Variants in ADGRG4 observed in about 807,000 individuals in gnomAD.
ADGRG4 encodes adhesion G protein-coupled receptor G4, also known as G protein-coupled receptor 112.
ADGRG4 carries 122 observed loss-of-function variants against 126.2 expected under a neutral mutation model. The observed-to-expected ratio is 0.97, with a 90% CI of 0.83 to 1.12. The LOEUF is 1.12. Among genes scored for constraint, ADGRG4 ranks in the 50% most tolerant of loss-of-function variants. The pLI is 0.00. For synonymous variants in ADGRG4, 943 were observed against 838.7 expected, an observed-to-expected ratio of 1.12 and a Z score of -2.15; for missense variants, 2,481 against 2,251.8, an observed-to-expected ratio of 1.10 and a Z score of -2.06.
chrX:136,377,167 C>CTTTTTTTTTTT (rs1184343263), intron 15 of ADGRG4, among the ~76,000 whole-genome samples: 145 of 48,624 alleles, frequency 3.0e-3, no homozygotes, highest in Non-Finnish European at 3.1e-3. Flanking sequence ...GTTTTCTTTC[C>CTTTTTTTTTTT]TTTTTTTTTT....
intron 5 of ADGRG4, among the ~76,000 whole-genome samples, chrX:136,327,491 T>TAATAATAATAATA (rs1445094928): frequency 9.3e-6 from 1 of 107,985 alleles, no homozygotes; most frequent in Non-Finnish European, 1.9e-5. Flanking sequence ...ATAATAATAA[T>TAATAATAATAATA]ATATACATAC....
At chrX:136,342,155 T>C (rs1366161435) in intron 5 of ADGRG4, among the ~76,000 whole-genome samples, 1 of 112,029 alleles carries the variant, frequency 8.9e-6, no homozygotes, top group South Asian at 3.7e-4. Context: ...TTATCACTAT[T>C]CTCCGAGTTG....
chrX:136,339,989 A>G (rs891231684), intron 5 of ADGRG4, among the ~76,000 whole-genome samples: 3 of 111,683 alleles, frequency 2.7e-5, no homozygotes, highest in African/African-American at 9.8e-5. Context: ...ATTAAATTCA[A>G]TGGAGATAAG....
At chrX:136,394,074 CT>C (rs903638797) in intron 18 of ADGRG4, among the ~76,000 whole-genome samples, 8 of 109,805 alleles carry the variant, frequency 7.3e-5, no homozygotes, top group South Asian at 4.0e-4. Flanking sequence ...ATCTCCTTCC[CT>C]TTTTTTTTCC....
At chrX:136,377,212 A>G (rs2075233306) in intron 15 of ADGRG4, among the ~76,000 whole-genome samples, 1 of 58,746 alleles carries the variant, frequency 1.7e-5, no homozygotes, top group African/African-American at 9.6e-5. Flanking sequence ...TTGTTGTTTG[A>G]GAGTGGGTCT....
intron 23 of ADGRG4, among the ~76,000 whole-genome samples, chrX:136,411,324 ACAGGCGTGAGACATCACG>A (rs1257625812): frequency 8.9e-6 from 1 of 112,779 alleles, no homozygotes; most frequent in Admixed American, 9.3e-5. Flanking sequence ...TGCTGGGATT[ACAGGCGTGAGACATCACG>A]CCTGGCCAAG....
intron 21 of ADGRG4, among the ~76,000 whole-genome samples, chrX:136,402,772 G>A (rs757600137): frequency 2.7e-5 from 3 of 111,552 alleles, no homozygotes; most frequent in South Asian, 3.8e-4. Flanking sequence ...AACTAGTAAC[G>A]AGTGTGGAAA....
At chrX:136,383,348 G>A (rs1357036944) in intron 15 of ADGRG4, among the ~76,000 whole-genome samples, 3 of 111,029 alleles carry the variant, frequency 2.7e-5, no homozygotes, top group Admixed American at 9.5e-5. Context: ...CATTTGTGTT[G>A]GTTTGTCTTT....
chrX:136,379,804 A>G (rs1205449551), intron 15 of ADGRG4, among the ~76,000 whole-genome samples: 1 of 110,645 alleles, frequency 9.0e-6, no homozygotes, highest in African/African-American at 3.3e-5. Context: ...GCCCTTGACA[A>G]CCACAATTCT....
chrX:136,363,302 C>T (rs2148477280), intron 12 of ADGRG4, among the ~76,000 whole-genome samples, 175 bp from the exon 13 acceptor site: 1 of 111,654 alleles, frequency 9.0e-6, no homozygotes, highest in Admixed American at 9.5e-5. Flanking sequence ...CACTTGCTCC[C>T]TAAGAGCAAA....
At chrX:136,394,499 C>T in intron 18 of ADGRG4, among the ~76,000 whole-genome samples, 1 of 111,840 alleles carries the variant, frequency 8.9e-6, no homozygotes, top group Middle Eastern at 4.6e-3. Flanking sequence ...TATAAGAATA[C>T]TACTTCTTTC....
At chrX:136,395,728 C>T (rs1305478414) in intron 19 of ADGRG4, among the ~76,000 whole-genome samples, 2 of 111,887 alleles carry the variant, frequency 1.8e-5, no homozygotes, top group African/African-American at 6.5e-5. Flanking sequence ...TTTAACCTCC[C>T]TCCCAAGTGA....
intron 4 of ADGRG4, among the ~76,000 whole-genome samples, chrX:136,313,903 A>T (rs940012896): frequency 1.8e-5 from 2 of 110,274 alleles, no homozygotes; most frequent in Admixed American, 1.9e-4. Context: ...CTGTATTTCC[A>T]CTGCCAGGTA....
intron 15 of ADGRG4, among the ~76,000 whole-genome samples, chrX:136,378,011 A>G (rs1161845165): frequency 1.8e-5 from 2 of 111,316 alleles, no homozygotes; most frequent in African/African-American, 6.5e-5. Context: ...ATCAATTTGT[A>G]TAAAAAACTT....
At position 136,349,757 on chromosome X, in the gene ADGRG4, C is replaced by G. The variant is rs770127900; in HGVS notation, c.6051C>G (p.Gly2017=). The change falls in exon 6 of 26, where the codon GGC becomes GGG. Residue 2017 remains glycine, a synonymous_variant. Transcript: ENST00000394143. ...GGCTCTTATCTAGTCTCCCTTCTGGCTCCCCTCCGGCAACTGTATCTAATG... is the reference window on the plus strand; with the variant it reads ...GGCTCTTATCTAGTCTCCCTTCTGGGTCCCCTCCGGCAACTGTATCTAATG... The part of the protein sequence containing the change: ...LTWLLSSLPS[G]SPPATVSNAP... 1.4e-5 allele frequency: 17 copies of G among 1,207,353 alleles called. No individual in the cohort carries two copies. Among genetic ancestry groups the G allele is most frequent in the Non-Finnish European group, 1.9e-5 (17 of 893,786 alleles).
chrX:136,374,053 C>T (rs1261574721), intron 15 of ADGRG4, among the ~76,000 whole-genome samples: 1 of 111,943 alleles, frequency 8.9e-6, no homozygotes, highest in Non-Finnish European at 1.9e-5. Context: ...CCTGCAGTGG[C>T]AATCACTGTT....
chrX:136,345,161 T>C lies in ADGRG4; in HGVS notation c.1455T>C (p.Pro485=). The C allele has an allele frequency of 1.7e-6, 2 of 1,210,958 alleles. No homozygotes were observed. The highest frequency in any genetic ancestry group is 3.0e-5 in the East Asian group (1 of 33,833). ...CTGCTCCAGTAGATTCTGTATTTCC[T>C]AGAAACCAGACAGCATTTCCATTGG... The part of the protein sequence containing the change: ...STAAPVDSVF[P]RNQTAFPLAT... Residue 485 remains proline (P), a synonymous_variant, in exon 6 of 26, where the codon CCT becomes CCC. Coordinates refer to ENST00000394143, the MANE Select transcript of ADGRG4 (RefSeq NM_153834.4).
intron 15 of ADGRG4, among the ~76,000 whole-genome samples, chrX:136,379,228 G>C (rs1046985887): frequency 2.7e-5 from 3 of 111,452 alleles, no homozygotes; most frequent in Non-Finnish European, 5.7e-5. Context: ...ATTTTTCTAA[G>C]AGTTTATTTC....
intron 3 of ADGRG4, among the ~76,000 whole-genome samples, chrX:136,305,849 A>T (rs1252970245): frequency 8.9e-6 from 1 of 112,154 alleles, no homozygotes; most frequent in East Asian, 2.8e-4. Context: ...GAAAACTGGG[A>T]AAGAGCCCTC....
Sources: gnomAD v4.1 joint callset for allele counts (sites outside exome capture counted in the v4.1 genomes callset) on GRCh38, gnomAD v4.1.1 for gene constraint, MANE v1.5 for transcripts, NCBI Gene and HGNC (gene_info 2026-07-23, HGNC 2026-07-21) for gene names.